CTNNA2: variants seen among roughly 807,000 people sequenced by gnomAD.
CTNNA2 encodes the protein catenin alpha-2.
CTNNA2 carries 42 observed loss-of-function variants against 101.0 expected under a neutral mutation model. The observed-to-expected ratio is 0.42, with a 90% CI of 0.32 to 0.54. The LOEUF is 0.54. CTNNA2 is among the 20% of genes least tolerant of loss of function. CTNNA2 has a pLI of 0.14. For missense variants in CTNNA2, 871 were observed against 1,223.1 expected (o/e 0.71, Z 4.29); for synonymous variants, 450 against 456.4 (o/e 0.99, Z 0.18).
chr2:80,499,988 G>A (rs1296713029), intron 9 of CTNNA2, among the ~76,000 whole-genome samples: 6 of 148,628 alleles, frequency 4.0e-5, no homozygotes, highest in African/African-American at 1.5e-4. Flanking sequence ...ATTGTTAAAA[G>A]CACACAAATC....
At chr2:79,245,164 A>C (rs1218345112) in intron 2 of CTNNA2, among the ~76,000 whole-genome samples, 1 of 151,912 alleles carries the variant, frequency 6.6e-6, no homozygotes, top group Non-Finnish European at 1.5e-5. Flanking sequence ...AAAGAAATGC[A>C]TCAAGGCCGG....
chr2:79,756,301 A>G (rs1672394004), intron 3 of CTNNA2, among the ~76,000 whole-genome samples: 1 of 152,184 alleles, frequency 6.6e-6, no homozygotes, highest in Admixed American at 6.5e-5. Context: ...CATTTGAAGT[A>G]TTATCCATAC....
intron 1 of CTNNA2, among the ~76,000 whole-genome samples, chr2:79,516,999 C>T (rs533402819): frequency 2.0e-5 from 3 of 151,984 alleles, no homozygotes; most frequent in African/African-American, 7.2e-5. Context: ...CATTGGTGTC[C>T]GAGATTATTA....
chr2:79,673,336 T>G (rs1682972321), intron 2 of CTNNA2, among the ~76,000 whole-genome samples: 1 of 152,166 alleles, frequency 6.6e-6, no homozygotes, highest in Non-Finnish European at 1.5e-5. Context: ...TGATATATTA[T>G]AAATACATTT....
chr2:79,303,142 C>T (rs1020041007), intron 2 of CTNNA2, among the ~76,000 whole-genome samples: 1 of 152,076 alleles, frequency 6.6e-6, no homozygotes, highest in African/African-American at 2.4e-5. Flanking sequence ...AAAACAGAGA[C>T]AAAACAAGGT....
chr2:80,554,662 C>G (rs919472935), intron 11 of CTNNA2, among the ~76,000 whole-genome samples: 10 of 152,280 alleles, frequency 6.6e-5, no homozygotes, highest in African/African-American at 2.4e-4. Context: ...ACACAATCAC[C>G]TCCTAAAGTC....
intron 9 of CTNNA2, among the ~76,000 whole-genome samples, chr2:80,458,744 A>G (rs1247313287): frequency 6.6e-6 from 1 of 152,178 alleles, no homozygotes; most frequent in East Asian, 1.9e-4. Context: ...AGCAGCTTAG[A>G]TAACAGCTAG....
chr2:79,851,870 T>C (rs566915144), intron 3 of CTNNA2, among the ~76,000 whole-genome samples: 1 of 150,988 alleles, frequency 6.6e-6, no homozygotes, highest in South Asian at 2.1e-4. Context: ...GCCTCCTGAG[T>C]AGCTGGGATT....
chr2:79,242,993 T>TATATACACAC (rs1306982182), intron 2 of CTNNA2, among the ~76,000 whole-genome samples: 1,525 of 116,592 alleles, frequency 0.013, 25 homozygotes, highest in Non-Finnish European at 0.021. Context: ...TATATATATA[T>TATATACACAC]ACACACACAC....
In CTNNA2 at chr2:80,595,499, G is replaced by A. The variant is rs540050525; in HGVS notation, c.2189+6014G>A. On this transcript the variant is annotated intron_variant, in intron 15 of 18. Transcript: ENST00000402739. ...CCTGATTGCACTGGCTGGGATTTCC[G>A]GTACTATGTTGAATAGGAGTGGCAA... Among the ~76,000 whole-genome samples, 32 of 152,168 alleles carry A rather than the reference G, an allele frequency of 2.1e-4. No individual in the cohort carries two copies. The South Asian group carries it at 3.7e-3, about 18-fold the overall frequency.
rs140618184 is a variant in CTNNA2 at position 79,276,933 on chromosome 2, C to T, written c.-405-35776C>T. Among the ~76,000 whole-genome samples the T allele has an allele frequency of 8.5e-3, 1,299 of 152,242 alleles. 6 individuals are homozygous for T. Among genetic ancestry groups the T allele is most frequent in the South Asian group, 0.022 (104 of 4,824 alleles). On this transcript the variant is annotated intron_variant, in intron 2 of 21. Coordinates refer to the CTNNA2 transcript ENST00000466387. ...CCATCTAAGCCTGCATGTTCACATG[C>T]GCATAGATGTGCACACACACACATG...
intron 3 of CTNNA2, among the ~76,000 whole-genome samples, chr2:79,758,351 C>A (rs1252101713): frequency 6.6e-6 from 1 of 152,198 alleles, no homozygotes; most frequent in Non-Finnish European, 1.5e-5. Context: ...GCAAACCAGG[C>A]AGTCTTCATT....
intron 7 of CTNNA2, among the ~76,000 whole-genome samples, chr2:80,053,870 A>G (rs1697041906): frequency 6.6e-6 from 1 of 152,242 alleles, no homozygotes; most frequent in East Asian, 1.9e-4. Flanking sequence ...GCAAATTTGT[A>G]TGTAGATATG....
chr2:79,257,074 C>T (rs1234284590), intron 2 of CTNNA2, among the ~76,000 whole-genome samples: 1 of 152,074 alleles, frequency 6.6e-6, no homozygotes, highest in Admixed American at 6.6e-5. Flanking sequence ...ACAAGACTGA[C>T]CGTAAGTTAA....
intron 3 of CTNNA2, among the ~76,000 whole-genome samples, chr2:79,855,226 C>T (rs1168980134): frequency 2.0e-5 from 3 of 152,124 alleles, no homozygotes. Context: ...TTCTCTCTCT[C>T]TCTGTCTGTC....
intron 7 of CTNNA2, among the ~76,000 whole-genome samples, chr2:80,110,427 T>A (rs192476941): frequency 1.6e-4 from 25 of 152,220 alleles, no homozygotes. Context: ...ATCTTCCTCA[T>A]TTCAAAGTCC....
intron 2 of CTNNA2, among the ~76,000 whole-genome samples, chr2:79,670,784 C>T (rs1250677829): frequency 1.3e-5 from 2 of 152,082 alleles, no homozygotes; most frequent in Non-Finnish European, 2.9e-5. Context: ...CTCTGGATCA[C>T]GTGTTTAACT....
At chr2:80,320,865 T>A (rs934178968) in intron 7 of CTNNA2, among the ~76,000 whole-genome samples, 2 of 152,212 alleles carry the variant, frequency 1.3e-5, no homozygotes, top group South Asian at 2.1e-4. Context: ...GTCCAATTAT[T>A]TCTCAATTTT....
At chr2:80,479,530 G>A (rs1685987503) in intron 9 of CTNNA2, among the ~76,000 whole-genome samples, 1 of 152,084 alleles carries the variant, frequency 6.6e-6, no homozygotes, top group Admixed American at 6.6e-5. Flanking sequence ...AAGACCTAAT[G>A]GCTGCTTTCA....
Sources: allele counts gnomAD v4.1 joint callset (sites outside exome capture counted in the v4.1 genomes callset), GRCh38; gene constraint gnomAD v4.1.1; transcripts MANE v1.5; gene names NCBI Gene and HGNC (gene_info 2026-07-23, HGNC 2026-07-21).